KCNMA1: variants seen among roughly 807,000 people sequenced by gnomAD.
The protein encoded by KCNMA1 is Calcium-activated potassium channel subunit alpha-1.
KCNMA1 carries 29 observed loss-of-function variants against 140.0 expected under a neutral mutation model. That is an observed-to-expected ratio of 0.21 (90% CI 0.15 to 0.28). The LOEUF (loss-of-function observed/expected upper bound fraction) is 0.28. Among genes scored for constraint, KCNMA1 ranks in the 10% least tolerant of loss-of-function variants. The pLI, the probability that KCNMA1 is intolerant of heterozygous loss-of-function variation, is 1.00. For synonymous variants in KCNMA1, 612 were observed against 611.9 expected, an observed-to-expected ratio of 1.00 and a Z score of 0.00; for missense variants, 880 against 1,602.2, an observed-to-expected ratio of 0.55 and a Z score of 7.70.
chr10:77,310,257 C>T (rs2078920456), intron 2 of KCNMA1, among the ~76,000 whole-genome samples: 1 of 152,178 alleles, frequency 6.6e-6, no homozygotes, highest in Non-Finnish European at 1.5e-5. Flanking sequence ...ATGGCCTTGA[C>T]TTAGGAGTGC....
chr10:77,633,634 G>C (rs2093443394), intron 1 of KCNMA1, among the ~76,000 whole-genome samples: 1 of 152,192 alleles, frequency 6.6e-6, no homozygotes, highest in South Asian at 2.1e-4. Context: ...ATTTATATTA[G>C]TCACGAGCCT....
At chr10:77,292,049 T>C (rs1313272540) in intron 2 of KCNMA1, among the ~76,000 whole-genome samples, 5 of 152,178 alleles carry the variant, frequency 3.3e-5, no homozygotes, top group Admixed American at 6.5e-5. Flanking sequence ...TTCAAAGGAA[T>C]TCCTCAAGTA....
intron 25 of KCNMA1, chr10:76,903,463 T>C (rs947536741): frequency 6.6e-6 from 1 of 152,278 alleles, no homozygotes; most frequent in East Asian, 1.9e-4. Context: ...TGAAAATGAT[T>C]GGATTTTTTT....
chr10:77,094,380 T>G (rs779483570), intron 9 of KCNMA1, among the ~76,000 whole-genome samples: 2 of 152,162 alleles, frequency 1.3e-5, no homozygotes, highest in Non-Finnish European at 2.9e-5. Flanking sequence ...TATCTCAGCT[T>G]CTGCTCCTTC....
intron 1 of KCNMA1, among the ~76,000 whole-genome samples, chr10:77,460,138 C>G (rs926885542): frequency 3.9e-5 from 6 of 152,310 alleles, no homozygotes; most frequent in Middle Eastern, 3.4e-3. Context: ...CAGATTTGCC[C>G]TGCAGGCCAT....
At chr10:77,534,902 TA>T (rs576334211) in intron 1 of KCNMA1, among the ~76,000 whole-genome samples, 120 of 152,162 alleles carry the variant, frequency 7.9e-4, no homozygotes, top group African/African-American at 2.8e-3. Context: ...AACTACAAAC[TA>T]AAACCTACAC....
At chr10:77,538,079 C>T (rs2059331207) in intron 1 of KCNMA1, among the ~76,000 whole-genome samples, 1 of 151,174 alleles carries the variant, frequency 6.6e-6, no homozygotes, top group African/African-American at 2.4e-5. Context: ...TCACACACAT[C>T]CACATACTCT....
intron 3 of KCNMA1, among the ~76,000 whole-genome samples, chr10:77,198,981 C>T (rs924121757): frequency 2.6e-5 from 4 of 152,188 alleles, no homozygotes; most frequent in Non-Finnish European, 5.9e-5. Context: ...CAGTGCACTG[C>T]CTCACTTTCC....
chr10:77,514,323 C>T (rs1354701887), intron 1 of KCNMA1, among the ~76,000 whole-genome samples: 2 of 152,190 alleles, frequency 1.3e-5, no homozygotes, highest in Non-Finnish European at 2.9e-5. Flanking sequence ...AAGGGGGAAG[C>T]GAATCACTTT....
At chr10:77,157,541 TAATAA>T (rs1160622428) in intron 5 of KCNMA1, among the ~76,000 whole-genome samples, 3 of 152,086 alleles carry the variant, frequency 2.0e-5, no homozygotes, top group African/African-American at 7.2e-5. Context: ...GTTTTTTAAA[TAATAA>T]AATAATTATT....
Position 77,224,876 on chromosome 10 carries a change from C to T in KCNMA1, c.602+26319G>A, listed in dbSNP as rs147880303. Among the ~76,000 whole-genome samples the T allele has an allele frequency of 4.6e-5, 7 of 152,258 alleles. No homozygotes were observed. The East Asian group carries it at 1.2e-3, about 25-fold the overall frequency. On this transcript the variant is annotated intron_variant, in intron 3 of 27. Coordinates refer to ENST00000286628, the MANE Select transcript of KCNMA1 (RefSeq NM_001161352.2). The stretch of plus-strand genomic sequence containing the variant: ...GCTAATATAAAGAAAATGCTTAGAA[C>T]GTGGACTAGAATAGTAAGCACTCAA...
intron 2 of KCNMA1, among the ~76,000 whole-genome samples, chr10:77,319,512 C>T (rs548305915): frequency 1.8e-4 from 28 of 152,304 alleles, no homozygotes; most frequent in African/African-American, 6.3e-4. Context: ...CCTTCACTCG[C>T]CCTCCAAAAG....
intron 19 of KCNMA1, among the ~76,000 whole-genome samples, chr10:76,990,963 T>G (rs1247185165): frequency 6.6e-6 from 1 of 152,174 alleles, no homozygotes; most frequent in Non-Finnish European, 1.5e-5. Flanking sequence ...GACATTCAGC[T>G]TTTGGATACC....
At position 76,886,909 on chromosome 10, in the gene KCNMA1, C is replaced by T; in HGVS notation, c.*357G>A. 8.8e-7 allele frequency: 1 copy of T among 1,132,910 alleles called. No homozygotes were observed. The highest frequency in any genetic ancestry group is 1.1e-6 in the Non-Finnish European group (1 of 916,336). 70.2% of individuals were successfully genotyped at this position (1,132,910 alleles called of 1,614,324 possible). A position where few individuals can be genotyped will look rare whatever the true frequency, so the allele number is the denominator to read the frequency against. On this transcript the variant is annotated 3_prime_UTR_variant, in exon 28 of 28. Transcript: ENST00000286628. ...TCCTGATAAATCAGAATCAACTTTTCTTTTACATTAAATAAACTTGCTCTG... is the reference window on the plus strand; with the variant it reads ...TCCTGATAAATCAGAATCAACTTTTTTTTTACATTAAATAAACTTGCTCTG...
chr10:77,388,755 T>A (rs1330224218), intron 2 of KCNMA1, among the ~76,000 whole-genome samples: 1 of 152,232 alleles, frequency 6.6e-6, no homozygotes, highest in Non-Finnish European at 1.5e-5. Context: ...TTTATTTATT[T>A]CTTTTCTCTC....
chr10:76,970,007 C>A lies in KCNMA1; in HGVS notation c.2327G>T (p.Arg776Leu), dbSNP rs200676185. Reference sequence around the variant, plus strand: ...CTTAGGCGAGGTGTTGGGTGAGTTCCGCATGCCTCCATTCCGTTGCTTTTT... The same window carrying A: ...CTTAGGCGAGGTGTTGGGTGAGTTCAGCATGCCTCCATTCCGTTGCTTTTT... ...PKKKQRNGGM[R>L]NSPNTSPKLM... The change falls in exon 20 of 28, where the codon CGG (arginine) becomes CTG (leucine). Residue 776 changes from arginine (R) to leucine (L), a missense_variant. Transcript: ENST00000286628. 6.2e-7 allele frequency: 1 copy of A among 1,613,742 alleles called. No individual in the cohort carries two copies. Among genetic ancestry groups the A allele is most frequent in the Non-Finnish European group, 8.5e-7 (1 of 1,179,952 alleles).
intron 3 of KCNMA1, among the ~76,000 whole-genome samples, chr10:77,200,408 A>G (rs2042077207): frequency 6.6e-6 from 1 of 152,218 alleles, no homozygotes; most frequent in Non-Finnish European, 1.5e-5. Context: ...ACCTATGCAC[A>G]TACTAAGATG....
chr10:77,202,772 C>T (rs1268228288), intron 3 of KCNMA1, among the ~76,000 whole-genome samples: 1 of 152,196 alleles, frequency 6.6e-6, no homozygotes, highest in Non-Finnish European at 1.5e-5. Flanking sequence ...CCATCTACCA[C>T]ACTCTCTACT....
chr10:76,991,752 T>C (rs1048381393), intron 19 of KCNMA1, among the ~76,000 whole-genome samples: 3 of 152,112 alleles, frequency 2.0e-5, no homozygotes, highest in Non-Finnish European at 4.4e-5. Flanking sequence ...TTTTTGACCT[T>C]GGAGGGAGGG....
Sources: gnomAD v4.1 joint callset for allele counts (sites outside exome capture counted in the v4.1 genomes callset) on GRCh38, gnomAD v4.1.1 for gene constraint, MANE v1.5 for transcripts, NCBI Gene and HGNC (gene_info 2026-07-23, HGNC 2026-07-21) for gene names.